Variants in SNX29 observed in about 807,000 individuals in gnomAD.
SNX29 encodes sorting nexin 29.
SNX29 carries 78 observed loss-of-function variants against 102.1 expected under a neutral mutation model. The ratio of observed to expected loss-of-function variants is 0.76; its 90% CI spans 0.64 to 0.92. The LOEUF (loss-of-function observed/expected upper bound fraction) is 0.92, where lower values mean the gene tolerates loss of function less well. Ranked by LOEUF, SNX29 falls within the 40% of genes least tolerant of loss-of-function variation. The probability of loss-of-function intolerance (pLI) is 0.00; values close to 1 mark genes in which losing one functional copy is unlikely to be tolerated. For synonymous variants in SNX29, 580 were observed against 414.5 expected, an observed-to-expected ratio of 1.40 and a Z score of -4.85; for missense variants, 1,280 against 1,061.7, an observed-to-expected ratio of 1.21 and a Z score of -2.86.
At chr16:12,028,735 A>G (rs1039007734) in intron 4 of SNX29, among the ~76,000 whole-genome samples, 3 of 151,778 alleles carry the variant, frequency 2.0e-5, no homozygotes, top group African/African-American at 7.3e-5. Context: ...GTACATATGT[A>G]TGGGGTACCT....
intron 13 of SNX29, among the ~76,000 whole-genome samples, chr16:12,143,352 G>T (rs147506713): frequency 6.6e-6 from 1 of 152,114 alleles, no homozygotes. Flanking sequence ...TTCCATTTTC[G>T]TGGGGCTACT....
chr16:12,320,341 G>A (rs1465206345), intron 15 of SNX29, among the ~76,000 whole-genome samples: 1 of 152,132 alleles, frequency 6.6e-6, no homozygotes, highest in Non-Finnish European at 1.5e-5. Flanking sequence ...GAGTCACCGA[G>A]AGCCAGAACC....
At chr16:12,466,169 A>T (rs1244553684) in intron 18 of SNX29, among the ~76,000 whole-genome samples, 4 of 152,066 alleles carry the variant, frequency 2.6e-5, no homozygotes, top group African/African-American at 7.3e-5. Context: ...AAAAAGAAAT[A>T]AAAGGCATCC....
At chr16:12,507,319 G>T (rs1393777034) in intron 19 of SNX29, among the ~76,000 whole-genome samples, 1 of 152,218 alleles carries the variant, frequency 6.6e-6, no homozygotes, top group African/African-American at 2.4e-5. Context: ...CAGAGAAGGA[G>T]AAGCTTGACT....
chr16:12,219,396 T>G (rs1476782670), intron 14 of SNX29, among the ~76,000 whole-genome samples: 1 of 152,112 alleles, frequency 6.6e-6, no homozygotes, highest in African/African-American at 2.4e-5. Flanking sequence ...CTGGGAACAA[T>G]ACTTAACCTT....
intron 19 of SNX29, among the ~76,000 whole-genome samples, chr16:12,514,488 T>G (rs2089774184): frequency 6.6e-6 from 1 of 152,198 alleles, no homozygotes; most frequent in African/African-American, 2.4e-5. Context: ...GGCCAATTCT[T>G]GTTTCTACCC....
intron 8 of SNX29, among the ~76,000 whole-genome samples, chr16:12,057,820 A>G (rs940141226): frequency 0.011 from 773 of 71,204 alleles, 5 homozygotes; most frequent in African/African-American, 0.051. Context: ...TATATTTTAT[A>G]TATATATTTT....
intron 11 of SNX29, among the ~76,000 whole-genome samples, chr16:12,103,580 A>G (rs914847156): frequency 6.6e-5 from 10 of 152,266 alleles, no homozygotes; most frequent in Non-Finnish European, 1.0e-4. Context: ...ATCTAAAACC[A>G]TAACAATTCT....
intron 15 of SNX29, among the ~76,000 whole-genome samples, chr16:12,304,432 C>G (rs1299074217): frequency 1.3e-5 from 2 of 152,216 alleles, no homozygotes; most frequent in African/African-American, 4.8e-5. Flanking sequence ...GCCACCATGT[C>G]TGCTGTTCAG....
intron 16 of SNX29, among the ~76,000 whole-genome samples, chr16:12,369,248 G>C (rs1567488617): frequency 2.0e-5 from 3 of 151,624 alleles, no homozygotes; most frequent in Admixed American, 1.3e-4. Context: ...CAATTCTCCT[G>C]CCTTAGCCTC....
chr16:12,545,170 C>G (rs779235644), intron 20 of SNX29, among the ~76,000 whole-genome samples: 29 of 152,072 alleles, frequency 1.9e-4, no homozygotes, highest in Non-Finnish European at 2.5e-4. Context: ...TGCCAGCCGT[C>G]AGAGAAACAA....
chr16:12,216,596 G>T (rs536073304), intron 14 of SNX29, among the ~76,000 whole-genome samples: 67 of 152,308 alleles, frequency 4.4e-4, no homozygotes, highest in African/African-American at 1.6e-3. Context: ...TATGCAGCCT[G>T]TACTGGGAAG....
chr16:12,452,390 G>A (rs1240930519), intron 18 of SNX29, among the ~76,000 whole-genome samples: 1 of 18,776 alleles, frequency 5.3e-5, no homozygotes, highest in Non-Finnish European at 8.4e-5. Context: ...CTCAATAGCG[G>A]GTAGCCGTCA....
rs1427260705 is a variant in SNX29, at chr16:12,570,151, A to T, written c.*1522A>T. ...TTTAAGGAAGGCTGAGATCACTCAC[A>T]CACAGCGCCCCCCCACCCCAGAGAA... is the stretch of plus-strand genomic sequence containing the variant. On this transcript the variant is annotated 3_prime_UTR_variant, in exon 21 of 21. Transcript: ENST00000566228. The T allele has an allele frequency of 8.5e-6, 9 of 1,064,302 alleles. No homozygotes were observed. Among genetic ancestry groups the T allele is most frequent in the Non-Finnish European group, 1.0e-5 (9 of 878,508 alleles). The allele number at this position is 1,064,302 out of a possible 1,614,324, so 65.9% of individuals were successfully genotyped here.
rs1555459856 is a variant in SNX29, at chr16:12,560,143, C to CCG, written c.2319-8362_2319-8361insGC. ...CTAGTTCTGTGTTCCCCTCCCCCCC[C>CCG]CAACAAACAGTAAAGCCTTTCTCAC... On this transcript the variant is annotated intron_variant, in intron 20 of 20. Transcript: ENST00000566228. Among the ~76,000 whole-genome samples the CCG allele has an allele frequency of 8.0e-4, 36 of 45,156 alleles. 1 individual carries two copies. Among genetic ancestry groups the CCG allele is most frequent in the African/African-American group, 2.3e-3 (35 of 15,182 alleles). 29.6% of individuals were successfully genotyped at this position (45,156 alleles called of 152,430 possible). A position where few individuals can be genotyped will look rare whatever the true frequency, so the allele number is the denominator to read the frequency against.
intron 20 of SNX29, among the ~76,000 whole-genome samples, chr16:12,567,573 C>G (rs1270750090): frequency 6.6e-6 from 1 of 152,016 alleles, no homozygotes; most frequent in East Asian, 1.9e-4. Flanking sequence ...CACTTGAGAC[C>G]AGCCTGGACA....
chr16:12,237,163 G>A (rs533345738), intron 14 of SNX29, among the ~76,000 whole-genome samples: 4 of 152,290 alleles, frequency 2.6e-5, no homozygotes, highest in Admixed American at 6.5e-5. Flanking sequence ...CAGGTGGGAC[G>A]TAGGACAGGA....
intron 11 of SNX29, among the ~76,000 whole-genome samples, chr16:12,082,309 G>A (rs2051940943): frequency 6.6e-6 from 1 of 152,110 alleles, no homozygotes. Context: ...GCAGGTGTCT[G>A]ACATTCTGTT....
At chr16:12,277,421 C>T (rs1184010326) in intron 14 of SNX29, among the ~76,000 whole-genome samples, 1 of 151,952 alleles carries the variant, frequency 6.6e-6, no homozygotes, top group Non-Finnish European at 1.5e-5. Flanking sequence ...ACAAACAAAA[C>T]CTCCACCCCC....
Sources: gnomAD v4.1 joint callset for allele counts (sites outside exome capture counted in the v4.1 genomes callset) on GRCh38, gnomAD v4.1.1 for gene constraint, MANE v1.5 for transcripts, NCBI Gene and HGNC (gene_info 2026-07-23, HGNC 2026-07-21) for gene names.